DYRK1A: variants seen among roughly 807,000 people sequenced by gnomAD.
DYRK1A encodes the protein dual specificity tyrosine-phosphorylation-regulated kinase 1A.
DYRK1A carries 9 observed loss-of-function variants against 79.7 expected under a neutral mutation model. The ratio of observed to expected loss-of-function variants is 0.11; its 90% CI spans 0.07 to 0.20. The LOEUF (loss-of-function observed/expected upper bound fraction) is 0.20, where lower values mean the gene tolerates loss of function less well. Among genes scored for constraint, DYRK1A ranks in the 10% least tolerant of loss-of-function variants. DYRK1A has a pLI of 1.00. For synonymous variants in DYRK1A, 349 were observed against 329.7 expected (o/e 1.06, Z -0.63); for missense variants, 622 against 956.0 (o/e 0.65, Z 4.61).
chr21:37,518,800 A>G lies in DYRK1A; in HGVS notation c.*6269A>G, dbSNP rs537868275. ...CCAGCTAATAGTATTTTTGATAGAGAGGGGGTTTCGCAATGTTGGCCAGGC... is the reference window on the plus strand; with the variant it reads ...CCAGCTAATAGTATTTTTGATAGAGGGGGGGTTTCGCAATGTTGGCCAGGC... On this transcript the variant is annotated 3_prime_UTR_variant, in exon 12 of 12. Coordinates refer to ENST00000647188, the MANE Select transcript of DYRK1A (RefSeq NM_001347721.2). 6 of 136,494 alleles carry G rather than the reference A, an allele frequency of 4.4e-5. No homozygotes were observed. The highest frequency in any genetic ancestry group is 2.2e-4 in the East Asian group (1 of 4,514). The allele number at this position is 136,494 out of a possible 1,614,324, so 8.5% of individuals were successfully genotyped here. A position where few individuals can be genotyped will look rare whatever the true frequency, so the allele number is the denominator to read the frequency against.
chr21:37,471,916 T>C lies in DYRK1A; in HGVS notation c.11-768T>C, dbSNP rs144230461. On this transcript the variant is annotated intron_variant, in intron 2 of 11. Coordinates refer to ENST00000647188, the MANE Select transcript of DYRK1A (RefSeq NM_001347721.2). Reference sequence around the variant, plus strand: ...TTTGGCTGAATTTAAGAAAAATCTTTTTTTTATCCTTTTCTTAAAGAATTA... The same window carrying C: ...TTTGGCTGAATTTAAGAAAAATCTTCTTTTTATCCTTTTCTTAAAGAATTA... Among the ~76,000 whole-genome samples the C allele has an allele frequency of 1.5e-3, 221 of 152,360 alleles. 1 individual carries two copies. Among genetic ancestry groups the C allele is most frequent in the African/African-American group, 5.1e-3 (213 of 41,588 alleles).
At chr21:37,490,568 C>A in intron 7 of DYRK1A, 107 bp downstream of exon 7, 1 of 734,184 alleles carries the variant, frequency 1.4e-6, no homozygotes, top group Non-Finnish European at 1.8e-6. Context: ...TTCGCCATTG[C>A]AGTTGCTGTT....
intron 8 of DYRK1A, among the ~76,000 whole-genome samples, chr21:37,493,372 T>G (rs1236857819): frequency 6.6e-6 from 1 of 152,236 alleles, no homozygotes; most frequent in Non-Finnish European, 1.5e-5. Flanking sequence ...TTTAATCTAC[T>G]CATGAAGGAG....
At chr21:37,484,625 A>G (rs943646254) in intron 5 of DYRK1A, among the ~76,000 whole-genome samples, 15 of 152,122 alleles carry the variant, frequency 9.9e-5, no homozygotes, top group African/African-American at 3.6e-4. Flanking sequence ...GCTGCTGTAC[A>G]GGGCCTAATA....
intron 6 of DYRK1A, among the ~76,000 whole-genome samples, chr21:37,489,304 A>T (rs936854987): frequency 6.6e-6 from 1 of 152,130 alleles, no homozygotes; most frequent in Non-Finnish European, 1.5e-5. Flanking sequence ...TATATATAAG[A>T]CTTAACAGGG....
At chr21:37,497,586 G>A (rs1196530989) in intron 9 of DYRK1A, among the ~76,000 whole-genome samples, 2 of 152,108 alleles carry the variant, frequency 1.3e-5, no homozygotes, top group African/African-American at 2.4e-5. Context: ...TTTTTATGTT[G>A]TCTCTCTCTG....
chr21:37,441,882 A>G (rs1477127944), intron 2 of DYRK1A, among the ~76,000 whole-genome samples: 2 of 149,988 alleles, frequency 1.3e-5, no homozygotes, highest in East Asian at 1.9e-4. Context: ...GAGTATTTCT[A>G]TTAACATTTT....
At chr21:37,479,678 A>T in intron 4 of DYRK1A, among the ~76,000 whole-genome samples, 1 of 123,296 alleles carries the variant, frequency 8.1e-6, no homozygotes, top group East Asian at 2.6e-4. Flanking sequence ...GCCAGCCTGG[A>T]GTGCAGTGGC....
intron 2 of DYRK1A, among the ~76,000 whole-genome samples, chr21:37,457,257 G>A (rs1287791650): frequency 6.6e-6 from 1 of 152,030 alleles, no homozygotes; most frequent in East Asian, 1.9e-4. Flanking sequence ...CCGCAAGACA[G>A]AGTCTCACTC....
At chr21:37,509,438 G>A (rs995566469) in intron 11 of DYRK1A, among the ~76,000 whole-genome samples, 11 of 152,080 alleles carry the variant, frequency 7.2e-5, no homozygotes, top group African/African-American at 2.7e-4. Context: ...CCTATTGTTT[G>A]TTTATTCATT....
Position 37,395,714 on chromosome 21 carries a change from C to T in DYRK1A, c.-76-24585C>T, listed in dbSNP as rs560848584. On this transcript the variant is annotated intron_variant, in intron 1 of 11. Transcript: ENST00000647188. Reference sequence around the variant, plus strand: ...TGGAAACCTTAGGATGTGATTTTGGCTATATTATTTTAATACTAAGATTTT... The same window carrying T: ...TGGAAACCTTAGGATGTGATTTTGGTTATATTATTTTAATACTAAGATTTT... Among the ~76,000 whole-genome samples the T allele has an allele frequency of 3.9e-5, 6 of 152,096 alleles. No individual in the cohort carries two copies. The South Asian group carries it at 1.2e-3, about 32-fold the overall frequency.
upstream of DYRK1A, among the ~76,000 whole-genome samples, chr21:37,366,356 G>GGCGGCGGCGCGGGA (rs1362591362): frequency 6.9e-6 from 1 of 145,378 alleles, no homozygotes; most frequent in African/African-American, 2.5e-5. Flanking sequence ...GGGCTGCGGG[G>GGCGGCGGCGCGGGA]GCGGCGGCGC....
upstream of DYRK1A, among the ~76,000 whole-genome samples, chr21:37,366,364 C>T (rs1602334045): frequency 6.9e-6 from 1 of 144,664 alleles, no homozygotes; most frequent in South Asian, 2.1e-4. Context: ...GGGGCGGCGG[C>T]GCGGGAGGCC....
Position 37,514,438 on chromosome 21 carries a change from A to G in DYRK1A, c.*1907A>G, listed in dbSNP as rs1307155176. On this transcript the variant is annotated 3_prime_UTR_variant, in exon 12 of 12. Transcript: ENST00000647188. Reference sequence around the variant, plus strand: ...AAGCCTAGAAAAGAAGCAGTAATCTACCTCTGCCGATAACCTGTTTAAGAT... The same window carrying G: ...AAGCCTAGAAAAGAAGCAGTAATCTGCCTCTGCCGATAACCTGTTTAAGAT... 2 of 152,634 alleles carry G rather than the reference A, an allele frequency of 1.3e-5. No homozygotes were observed. Among genetic ancestry groups the G allele is most frequent in the African/African-American group, 2.4e-5 (1 of 41,426 alleles). 9.5% of individuals were successfully genotyped at this position (152,634 alleles called of 1,614,324 possible). A position where few individuals can be genotyped will look rare whatever the true frequency, so the allele number is the denominator to read the frequency against.
At chr21:37,497,144 A>G (rs986456280) in intron 9 of DYRK1A, among the ~76,000 whole-genome samples, 6 of 158 alleles carry the variant, frequency 0.038, no homozygotes, top group Middle Eastern at 0.5. Context: ...TTTGCCTTGT[A>G]TTTTAGCGGA....
At chr21:37,503,058 C>T (rs908298894) in intron 9 of DYRK1A, 3 of 150,588 alleles carry the variant, frequency 2.0e-5, no homozygotes, top group African/African-American at 7.3e-5. Context: ...TTAATATTTT[C>T]TCTTTGTTTG....
At chr21:37,495,441 T>G (rs1312871496) in intron 8 of DYRK1A, among the ~76,000 whole-genome samples, 1 of 152,174 alleles carries the variant, frequency 6.6e-6, no homozygotes, top group African/African-American at 2.4e-5. Flanking sequence ...ACAGATCATT[T>G]GAGGTCAAGA....
At chr21:37,454,283 G>A (rs971417517) in intron 2 of DYRK1A, among the ~76,000 whole-genome samples, 1 of 151,658 alleles carries the variant, frequency 6.6e-6, no homozygotes, top group African/African-American at 2.4e-5. Flanking sequence ...TGTAGAGATG[G>A]GATCTCTCTG....
At chr21:37,474,325 A>C (rs2052325852) in intron 3 of DYRK1A, among the ~76,000 whole-genome samples, 1 of 152,252 alleles carries the variant, frequency 6.6e-6, no homozygotes, top group Non-Finnish European at 1.5e-5. Context: ...GATCATATAA[A>C]ATAAGAGATA....
Sources: allele counts gnomAD v4.1 joint callset (sites outside exome capture counted in the v4.1 genomes callset), GRCh38; gene constraint gnomAD v4.1.1; transcripts MANE v1.5; gene names NCBI Gene and HGNC (gene_info 2026-07-23, HGNC 2026-07-21).